GALNT7: variants seen among roughly 807,000 people sequenced by gnomAD.
GALNT7 encodes polypeptide N-acetylgalactosaminyltransferase 7.
A neutral mutation model predicts 82.1 loss-of-function variants in GALNT7; 60 were observed. The observed-to-expected ratio is 0.73, with a 90% CI of 0.59 to 0.91. The LOEUF (loss-of-function observed/expected upper bound fraction) is 0.91. GALNT7 is among the 40% of genes least tolerant of loss of function. The probability of loss-of-function intolerance (pLI) is 0.00; values close to 1 mark genes in which losing one functional copy is unlikely to be tolerated. For missense variants in GALNT7, 660 were observed against 804.2 expected (o/e 0.82, Z 2.17); for synonymous variants, 243 against 275.1 (o/e 0.88, Z 1.15).
At chr4:173,252,248 A>T (rs528307674) in intron 2 of GALNT7, among the ~76,000 whole-genome samples, 1 of 152,200 alleles carries the variant, frequency 6.6e-6, no homozygotes, top group South Asian at 2.1e-4. Flanking sequence ...CTCATCCCTC[A>T]TGGGGAATGT....
intron 8 of GALNT7, among the ~76,000 whole-genome samples, chr4:173,309,693 G>A (rs1304133038): frequency 6.6e-6 from 1 of 152,222 alleles, no homozygotes; most frequent in Non-Finnish European, 1.5e-5. Context: ...ACTTGGGACA[G>A]TTCATAAAAT....
At chr4:173,176,340 A>C (rs1732042529) in intron 1 of GALNT7, among the ~76,000 whole-genome samples, 1 of 152,168 alleles carries the variant, frequency 6.6e-6, no homozygotes, top group Non-Finnish European at 1.5e-5. Context: ...AGATGTAGTC[A>C]GGACTCAGAT....
chr4:173,220,288 A>T (rs1363751968), intron 1 of GALNT7, among the ~76,000 whole-genome samples: 1 of 152,136 alleles, frequency 6.6e-6, no homozygotes, highest in Non-Finnish European at 1.5e-5. Flanking sequence ...TTTGTTGAAG[A>T]TCAGTTGACT....
At chr4:173,280,457 T>A (rs1463181265) in intron 2 of GALNT7, among the ~76,000 whole-genome samples, 3 of 152,220 alleles carry the variant, frequency 2.0e-5, no homozygotes, top group East Asian at 3.8e-4. Context: ...TGGAAATTCA[T>A]TATTCTCATA....
At chr4:173,197,140 C>A (rs1732804731) in intron 1 of GALNT7, among the ~76,000 whole-genome samples, 1 of 139,226 alleles carries the variant, frequency 7.2e-6, no homozygotes. Context: ...GTAGTAGATA[C>A]CTAATTCCAT....
At chr4:173,174,641 A>C (rs977264907) in intron 1 of GALNT7, among the ~76,000 whole-genome samples, 4 of 151,314 alleles carry the variant, frequency 2.6e-5, no homozygotes, top group Non-Finnish European at 4.4e-5. Flanking sequence ...CCTCCCTAAG[A>C]CCTCATGAAG....
At chr4:173,260,906 A>G (rs938352306) in intron 2 of GALNT7, among the ~76,000 whole-genome samples, 1 of 152,206 alleles carries the variant, frequency 6.6e-6, no homozygotes, top group Non-Finnish European at 1.5e-5. Flanking sequence ...GAGTGATGGT[A>G]CTCATAGTGG....
At chr4:173,240,237 G>A (rs983423153) in intron 1 of GALNT7, among the ~76,000 whole-genome samples, 5 of 152,022 alleles carry the variant, frequency 3.3e-5, no homozygotes, top group African/African-American at 1.2e-4. Flanking sequence ...GAGTGAAGAG[G>A]TGCCTCCCCA....
At chr4:173,197,522 G>A (rs535162548) in intron 1 of GALNT7, among the ~76,000 whole-genome samples, 2 of 152,322 alleles carry the variant, frequency 1.3e-5, no homozygotes, top group Non-Finnish European at 2.9e-5. Flanking sequence ...TATACTATTG[G>A]TAATCAGAGA....
chr4:173,235,104 TCCA>T (rs1561166526), intron 1 of GALNT7, among the ~76,000 whole-genome samples: 1 of 152,220 alleles, frequency 6.6e-6, no homozygotes, highest in Non-Finnish European at 1.5e-5. Context: ...CTTTTTTTCT[TCCA>T]CCACCAAGAT....
chr4:173,207,400 A>C (rs893508914), intron 1 of GALNT7, among the ~76,000 whole-genome samples: 3 of 152,236 alleles, frequency 2.0e-5, no homozygotes, highest in African/African-American at 7.2e-5. Flanking sequence ...TTATGTATAT[A>C]TATTACATAA....
chr4:173,256,434 T>G (rs1735039854), intron 2 of GALNT7, among the ~76,000 whole-genome samples: 1 of 152,222 alleles, frequency 6.6e-6, no homozygotes, highest in South Asian at 2.1e-4. Context: ...CAATTTTAAC[T>G]GTGCTGATTG....
At chr4:173,250,306 T>A in intron 2 of GALNT7, among the ~76,000 whole-genome samples, 1 of 152,198 alleles carries the variant, frequency 6.6e-6, no homozygotes, top group South Asian at 2.1e-4. Context: ...GCACATAAAC[T>A]GTTTATTTAA....
chr4:173,250,339 A>G (rs1329483328), intron 2 of GALNT7, among the ~76,000 whole-genome samples: 2 of 152,228 alleles, frequency 1.3e-5, no homozygotes, highest in African/African-American at 2.4e-5. Flanking sequence ...TAAAACACCA[A>G]TATAAATATA....
chr4:173,173,572 T>C (rs1364879064), intron 1 of GALNT7, among the ~76,000 whole-genome samples: 1 of 152,176 alleles, frequency 6.6e-6, no homozygotes, highest in Non-Finnish European at 1.5e-5. Flanking sequence ...GGGATGAAAC[T>C]GTTCCGCCTC....
In GALNT7 at chr4:173,210,875, T is replaced by C. The variant is rs148711002; in HGVS notation, c.127-37105T>C. 9.9e-3 allele frequency among the ~76,000 whole-genome samples: 1,511 copies of C among 152,284 alleles called. 13 individuals carry two copies. The highest frequency in any genetic ancestry group is 0.015 in the Non-Finnish European group (1,040 of 68,006). ...ATTTCAGTGCTATCAAGTGGAAAAA[T>C]AAATGCAAGTCACATTTATAATTGT... On this transcript the variant is annotated intron_variant, in intron 1 of 11. Coordinates refer to ENST00000265000, the MANE Select transcript of GALNT7 (RefSeq NM_017423.3).
At chr4:173,232,969 G>A (rs895305693) in intron 1 of GALNT7, among the ~76,000 whole-genome samples, 3 of 152,054 alleles carry the variant, frequency 2.0e-5, no homozygotes, top group African/African-American at 7.2e-5. Flanking sequence ...TAGCTCTCGC[G>A]TATGAGTGAG....
chr4:173,269,722 CCCTCCT>C (rs1045462303), intron 2 of GALNT7, among the ~76,000 whole-genome samples: 3 of 152,022 alleles, frequency 2.0e-5, no homozygotes, highest in South Asian at 2.1e-4. Context: ...ATTTAATCTT[CCCTCCT>C]CCTCCTCCTC....
intron 5 of GALNT7, among the ~76,000 whole-genome samples, chr4:173,296,867 A>C (rs1228311805): frequency 6.6e-6 from 1 of 152,142 alleles, no homozygotes; most frequent in African/African-American, 2.4e-5. Flanking sequence ...TCCAGTTCAC[A>C]CTCTGGAGAG....
Sources: gnomAD v4.1 joint callset for allele counts (sites outside exome capture counted in the v4.1 genomes callset) on GRCh38, gnomAD v4.1.1 for gene constraint, MANE v1.5 for transcripts, NCBI Gene and HGNC (gene_info 2026-07-23, HGNC 2026-07-21) for gene names.